The following MARCHF1 variants were observed in gnomAD, a reference collection of about 807,000 sequenced individuals.
MARCHF1 encodes E3 ubiquitin-protein ligase MARCHF1.
In MARCHF1, 40 loss-of-function variants were observed where a neutral mutation model predicts 54.2. That is an observed-to-expected ratio of 0.74 (90% CI 0.57 to 0.96). MARCHF1 has a LOEUF of 0.96. MARCHF1 is among the 40% of genes least tolerant of loss of function. The pLI is 0.00. For synonymous variants in MARCHF1, 236 were observed against 236.3 expected (o/e 1.00, Z 0.01); for missense variants, 586 against 656.5 (o/e 0.89, Z 1.17).
chr4:163,899,319 G>A lies in MARCHF1; in HGVS notation c.-38-45150C>T, dbSNP rs148468224. On this transcript the variant is annotated intron_variant, in intron 3 of 9. Transcript: ENST00000514618. Reference sequence around the variant, plus strand: ...TTTTTCCAAGGTCACTAATGATGCCGGATTGTTAAATTTAATGGTTGGTTG... The same window carrying A: ...TTTTTCCAAGGTCACTAATGATGCCAGATTGTTAAATTTAATGGTTGGTTG... Among the ~76,000 whole-genome samples, 483 of 152,020 alleles carry A rather than the reference G, an allele frequency of 3.2e-3. 6 individuals carry two copies. The East Asian group carries it at 0.043, about 14-fold the overall frequency.
chr4:164,204,138 A>C (rs1353562873), intron 1 of MARCHF1, among the ~76,000 whole-genome samples: 1 of 152,126 alleles, frequency 6.6e-6, no homozygotes, highest in East Asian at 1.9e-4. Flanking sequence ...CTGTCTAAGC[A>C]TAGTTGATAG....
chr4:163,939,195 G>A (rs760765161), intron 3 of MARCHF1, among the ~76,000 whole-genome samples: 9 of 152,126 alleles, frequency 5.9e-5, no homozygotes, highest in East Asian at 3.8e-4. Context: ...CTCCAGGCAC[G>A]GTTGGGAAAC....
At chr4:164,151,271 C>G (rs1342445266) in intron 1 of MARCHF1, among the ~76,000 whole-genome samples, 1 of 152,184 alleles carries the variant, frequency 6.6e-6, no homozygotes, top group Non-Finnish European at 1.5e-5. Context: ...AAAAACATTA[C>G]AGAAGCTCCT....
chr4:163,775,897 T>C (rs1275697896), intron 4 of MARCHF1, among the ~76,000 whole-genome samples: 2 of 152,110 alleles, frequency 1.3e-5, no homozygotes, highest in Non-Finnish European at 2.9e-5. Flanking sequence ...GTTATGAGCA[T>C]CTACAGGTGA....
intron 2 of MARCHF1, among the ~76,000 whole-genome samples, chr4:163,992,715 T>C (rs190712278): frequency 2.0e-5 from 3 of 149,724 alleles, no homozygotes; most frequent in Non-Finnish European, 4.5e-5. Context: ...GAAAGAAAAA[T>C]CCTATGAGCA....
intron 1 of MARCHF1, among the ~76,000 whole-genome samples, chr4:164,310,067 AT>A (rs899981688): frequency 2.0e-5 from 3 of 151,526 alleles, no homozygotes; most frequent in Admixed American, 6.6e-5. Context: ...AATTCTTTTT[AT>A]TTTTTTAATT....
chr4:163,606,597 T>A (rs573490968), intron 7 of MARCHF1, among the ~76,000 whole-genome samples: 1 of 152,188 alleles, frequency 6.6e-6, no homozygotes, highest in African/African-American at 2.4e-5. Flanking sequence ...TGCCTAAATA[T>A]GAGCATTTGG....
At chr4:164,342,498 C>T (rs918434442) in intron 1 of MARCHF1, among the ~76,000 whole-genome samples, 1 of 151,450 alleles carries the variant, frequency 6.6e-6, no homozygotes, top group African/African-American at 2.4e-5. Flanking sequence ...ACGTTATGCA[C>T]ATGTACCCTA....
intron 2 of MARCHF1, among the ~76,000 whole-genome samples, chr4:164,080,939 T>C (rs1755082854): frequency 1.3e-5 from 2 of 151,484 alleles, no homozygotes; most frequent in Non-Finnish European, 2.9e-5. Context: ...CCGGGCGTGG[T>C]GGCTCACGCC....
chr4:163,724,790 C>T (rs541192558), intron 4 of MARCHF1, among the ~76,000 whole-genome samples: 6 of 152,134 alleles, frequency 3.9e-5, no homozygotes, highest in Admixed American at 6.5e-5. Context: ...AATCCGCGGG[C>T]GTGGGACCCT....
intron 4 of MARCHF1, among the ~76,000 whole-genome samples, chr4:163,818,052 G>A (rs559798117): frequency 1.4e-4 from 21 of 151,064 alleles, no homozygotes; most frequent in Non-Finnish European, 1.0e-4. Context: ...CATGGCACAT[G>A]TATACATATG....
intron 1 of MARCHF1, among the ~76,000 whole-genome samples, chr4:164,128,939 G>C (rs1262593328): frequency 2.0e-5 from 3 of 152,038 alleles, no homozygotes; most frequent in Non-Finnish European, 4.4e-5. Flanking sequence ...TACTCTTCTT[G>C]AGCTCTATTT....
At chr4:164,034,104 T>TAGATAGATAGATAGAC (rs1553971748) in intron 2 of MARCHF1, among the ~76,000 whole-genome samples, 10,120 of 141,700 alleles carry the variant, frequency 0.071, 587 homozygotes, top group Non-Finnish European at 0.089. Flanking sequence ...GATAGATAGA[T>TAGATAGATAGATAGAC]AGATAGATAG....
intron 4 of MARCHF1, among the ~76,000 whole-genome samples, chr4:163,726,114 G>A (rs1483658935): frequency 6.6e-6 from 1 of 152,046 alleles, no homozygotes; most frequent in Non-Finnish European, 1.5e-5. Flanking sequence ...ATTCATGAAT[G>A]TACACTGACA....
intron 1 of MARCHF1, among the ~76,000 whole-genome samples, chr4:164,209,891 G>T (rs942247072): frequency 6.6e-6 from 1 of 151,932 alleles, no homozygotes; most frequent in African/African-American, 2.4e-5. Context: ...ATGAGAAAAG[G>T]TCCAACCATT....
chr4:163,782,979 T>C (rs948882072), intron 4 of MARCHF1, among the ~76,000 whole-genome samples: 1 of 152,090 alleles, frequency 6.6e-6, no homozygotes, highest in African/African-American at 2.4e-5. Context: ...ATTAAGACAA[T>C]TGTATAAGGG....
intron 2 of MARCHF1, among the ~76,000 whole-genome samples, chr4:164,075,301 C>T (rs1186860970): frequency 3.3e-5 from 5 of 152,148 alleles, no homozygotes; most frequent in South Asian, 2.1e-4. Context: ...TAGTGACCTC[C>T]GGCTCTAGTT....
chr4:163,926,934 G>T (rs973336110), intron 3 of MARCHF1, among the ~76,000 whole-genome samples: 7 of 151,398 alleles, frequency 4.6e-5, no homozygotes, highest in African/African-American at 1.7e-4. Context: ...ATATGTCATA[G>T]AACAGCTAAA....
intron 4 of MARCHF1, among the ~76,000 whole-genome samples, chr4:163,809,546 T>A (rs1748324696): frequency 6.6e-6 from 1 of 152,154 alleles, no homozygotes; most frequent in Non-Finnish European, 1.5e-5. Flanking sequence ...AAGTCCTCCA[T>A]GATTTCAGAA....
Sources: allele counts gnomAD v4.1 joint callset (sites outside exome capture counted in the v4.1 genomes callset), GRCh38; gene constraint gnomAD v4.1.1; transcripts MANE v1.5; gene names NCBI Gene and HGNC (gene_info 2026-07-23, HGNC 2026-07-21).